RPSA2: variants seen among roughly 807,000 people sequenced by gnomAD.
RPSA2 encodes the protein small ribosomal subunit protein uS2B.
chr19:23,834,891 A>G, the RPSA2 span, among the ~76,000 whole-genome samples: 1 of 151,944 alleles, frequency 6.6e-6, no homozygotes, highest in African/African-American at 2.4e-5. Flanking sequence ...TATAGGTTAT[A>G]TTTTTATTCT....
the RPSA2 span, among the ~76,000 whole-genome samples, chr19:23,786,606 T>C: frequency 6.6e-6 from 1 of 152,222 alleles, no homozygotes; most frequent in African/African-American, 2.4e-5. Flanking sequence ...ACCCAGGTGA[T>C]GTAACTTTTT....
the RPSA2 span, among the ~76,000 whole-genome samples, chr19:23,770,882 T>C: frequency 1.3e-5 from 2 of 152,230 alleles, no homozygotes; most frequent in African/African-American, 4.8e-5. Flanking sequence ...TGCGGTGATG[T>C]GAGTCTACTG....
At chr19:23,762,676 C>A in the RPSA2 span, among the ~76,000 whole-genome samples, 1,322 of 129,810 alleles carry the variant, frequency 0.01, no homozygotes, top group Non-Finnish European at 0.012. Flanking sequence ...AACTCGGTCT[C>A]AAAAAAAAAA....
chr19:23,805,354 G>T, the RPSA2 span, among the ~76,000 whole-genome samples: 1 of 151,940 alleles, frequency 6.6e-6, no homozygotes, highest in Admixed American at 6.6e-5. Flanking sequence ...AGTAGAGATG[G>T]GGTTTCTTCA....
the RPSA2 span, among the ~76,000 whole-genome samples, chr19:23,863,274 T>C: frequency 6.6e-6 from 1 of 152,142 alleles, no homozygotes. Flanking sequence ...TTAAAAGTAT[T>C]CTAGACAGGC....
the RPSA2 span, among the ~76,000 whole-genome samples, chr19:23,837,097 A>G: frequency 2.0e-5 from 3 of 151,860 alleles, no homozygotes; most frequent in African/African-American, 4.8e-5. Flanking sequence ...TAGCTTCCAG[A>G]GTTTTTATAG....
chr19:23,833,910 C>T, the RPSA2 span, among the ~76,000 whole-genome samples: 7 of 152,182 alleles, frequency 4.6e-5, no homozygotes, highest in Middle Eastern at 0.014. Flanking sequence ...TGTCCAACAT[C>T]AGTGAGTTTA....
chr19:23,781,906 A>G, the RPSA2 span, among the ~76,000 whole-genome samples: 6 of 152,136 alleles, frequency 3.9e-5, no homozygotes, highest in African/African-American at 1.4e-4. Flanking sequence ...GACCCTTGGT[A>G]ATGTGATTCT....
chr19:23,813,007 T>C, the RPSA2 span, among the ~76,000 whole-genome samples: 2 of 152,124 alleles, frequency 1.3e-5, no homozygotes, highest in African/African-American at 4.8e-5. Context: ...GACAGAAGGA[T>C]TGCTTGAGCC....
chr19:23,818,300 T>A, the RPSA2 span: 1 of 152,226 alleles, frequency 6.6e-6, no homozygotes, highest in Non-Finnish European at 1.5e-5. Context: ...CTAGAACTAT[T>A]CTTACTAAGG....
At chr19:23,841,109 C>T in the RPSA2 span, among the ~76,000 whole-genome samples, 14,834 of 152,076 alleles carry the variant, frequency 0.098, 1,001 homozygotes, top group South Asian at 0.18. Flanking sequence ...TTGCATCCTC[C>T]AATATGTATC....
At chr19:23,868,736 T>C in the RPSA2 span, among the ~76,000 whole-genome samples, 1 of 151,954 alleles carries the variant, frequency 6.6e-6, no homozygotes, top group African/African-American at 2.4e-5. Flanking sequence ...GGGACAAGGG[T>C]ATGCTTATGT....
At chr19:23,845,266 C>T in the RPSA2 span, among the ~76,000 whole-genome samples, 10 of 13,956 alleles carry the variant, frequency 7.2e-4, no homozygotes, top group Admixed American at 5.8e-3. Flanking sequence ...TGGTTCTGTT[C>T]TGATTTATGT....
chr19:23,833,092 T>C, the RPSA2 span: 3 of 1,276,264 alleles, frequency 2.4e-6, no homozygotes, highest in Non-Finnish European at 3.0e-6. Context: ...TAACCTGTCT[T>C]CAAGCTTTAC....
At chr19:23,783,326 C>T in the RPSA2 span, among the ~76,000 whole-genome samples, 14 of 152,042 alleles carry the variant, frequency 9.2e-5, 1 homozygote, top group Non-Finnish European at 2.1e-4. Context: ...AACTCCTGAC[C>T]TCAGGTGATT....
the RPSA2 span, among the ~76,000 whole-genome samples, chr19:23,846,453 A>G: frequency 6.6e-6 from 1 of 152,004 alleles, no homozygotes; most frequent in South Asian, 2.1e-4. Context: ...TCTTTGTTTT[A>G]TAAGGCCTGT....
At chr19:23,772,070 G>A in the RPSA2 span, among the ~76,000 whole-genome samples, 3 of 151,740 alleles carry the variant, frequency 2.0e-5, no homozygotes, top group African/African-American at 2.4e-5. Context: ...ATGGGATTGC[G>A]TGCTCCTGCC....
chr19:23,784,202 C>T, the RPSA2 span, among the ~76,000 whole-genome samples: 4 of 152,198 alleles, frequency 2.6e-5, no homozygotes, highest in Non-Finnish European at 5.9e-5. Flanking sequence ...GTACAAATGT[C>T]ATAGAGAATT....
At chr19:23,772,463 G>C in the RPSA2 span, among the ~76,000 whole-genome samples, 1 of 152,132 alleles carries the variant, frequency 6.6e-6, no homozygotes, top group African/African-American at 2.4e-5. Flanking sequence ...TTATAAGTGC[G>C]ATGATTACTC....
Sources: gnomAD v4.1 joint callset for allele counts (sites outside exome capture counted in the v4.1 genomes callset) on GRCh38, gnomAD v4.1.1 for gene constraint, MANE v1.5 for transcripts, NCBI Gene and HGNC (gene_info 2026-07-23, HGNC 2026-07-21) for gene names.